SCHIP1: variants seen among roughly 807,000 people sequenced by gnomAD.
The protein encoded by SCHIP1 is schwannomin interacting protein 1.
A neutral mutation model predicts 29.7 loss-of-function variants in SCHIP1; 8 were observed. The ratio of observed to expected loss-of-function variants is 0.27; its 90% CI spans 0.16 to 0.49. The LOEUF (loss-of-function observed/expected upper bound fraction) is 0.49. Among genes scored for constraint, SCHIP1 ranks in the 20% least tolerant of loss-of-function variants. The pLI is 0.99. For missense variants in SCHIP1, 193 were observed against 294.6 expected (o/e 0.66, Z 2.52); for synonymous variants, 76 against 94.9 (o/e 0.80, Z 1.16).
chr3:159,599,942 A>G, the SCHIP1 span, among the ~76,000 whole-genome samples: 1 of 152,170 alleles, frequency 6.6e-6, no homozygotes, highest in African/African-American at 2.4e-5. Flanking sequence ...TCTTGTCTGG[A>G]AGACTATTTC....
the SCHIP1 span, among the ~76,000 whole-genome samples, chr3:159,568,005 C>T: frequency 6.6e-6 from 1 of 151,970 alleles, no homozygotes; most frequent in Non-Finnish European, 1.5e-5. Flanking sequence ...TTACCATACA[C>T]TTCATGTACA....
the SCHIP1 span, among the ~76,000 whole-genome samples, chr3:159,530,810 G>C: frequency 1.3e-5 from 2 of 152,134 alleles, no homozygotes; most frequent in South Asian, 4.1e-4. Flanking sequence ...GTCCCCTGTA[G>C]GCACTGCCCT....
the SCHIP1 span, among the ~76,000 whole-genome samples, chr3:159,625,890 G>A: frequency 2.0e-5 from 3 of 151,950 alleles, no homozygotes; most frequent in African/African-American, 7.3e-5. Flanking sequence ...ACATGTAGAG[G>A]ACAGAGAAGA....
At chr3:159,440,967 CAA>C in the SCHIP1 span, among the ~76,000 whole-genome samples, 2 of 152,104 alleles carry the variant, frequency 1.3e-5, no homozygotes, top group Admixed American at 6.6e-5. Context: ...ACTATTTTGT[CAA>C]GAGACAAGAA....
chr3:159,291,946 A>G, the SCHIP1 span, among the ~76,000 whole-genome samples: 2 of 152,178 alleles, frequency 1.3e-5, no homozygotes, highest in Admixed American at 1.3e-4. Context: ...TAAAGGATGT[A>G]ACAACCAAAT....
the SCHIP1 span, among the ~76,000 whole-genome samples, chr3:159,420,013 C>T: frequency 6.6e-6 from 1 of 152,158 alleles, no homozygotes; most frequent in African/African-American, 2.4e-5. Flanking sequence ...ATTATTTCCA[C>T]TACTGCTATT....
chr3:159,498,369 G>A, the SCHIP1 span, among the ~76,000 whole-genome samples: 1 of 152,180 alleles, frequency 6.6e-6, no homozygotes, highest in Non-Finnish European at 1.5e-5. Flanking sequence ...GTAATTCCTT[G>A]TAAGAGAAAA....
chr3:159,762,071 C>T, the SCHIP1 span, among the ~76,000 whole-genome samples: 1 of 152,210 alleles, frequency 6.6e-6, no homozygotes, highest in Non-Finnish European at 1.5e-5. Flanking sequence ...TCCCAGCACA[C>T]CAAATGTTTC....
At chr3:159,702,438 G>A in the SCHIP1 span, among the ~76,000 whole-genome samples, 12 of 152,060 alleles carry the variant, frequency 7.9e-5, no homozygotes, top group African/African-American at 2.7e-4. Context: ...ACTATTAATC[G>A]CAAAATTATA....
chr3:159,885,171 C>A (rs1233260801), intron 2 of SCHIP1, among the ~76,000 whole-genome samples: 2 of 152,158 alleles, frequency 1.3e-5, no homozygotes, highest in African/African-American at 4.8e-5. Flanking sequence ...CTTGGCATTT[C>A]TTCCTATGGC....
the SCHIP1 span, among the ~76,000 whole-genome samples, chr3:159,283,852 T>C: frequency 6.6e-6 from 1 of 152,208 alleles, no homozygotes; most frequent in Admixed American, 6.5e-5. Flanking sequence ...GCAAAATAGG[T>C]TGTCTTATTA....
At chr3:159,470,577 C>T in the SCHIP1 span, among the ~76,000 whole-genome samples, 1 of 152,068 alleles carries the variant, frequency 6.6e-6, no homozygotes, top group Non-Finnish European at 1.5e-5. Flanking sequence ...CAGGCACACA[C>T]ACATATACAC....
chr3:159,701,866 A>G, the SCHIP1 span, among the ~76,000 whole-genome samples: 1 of 152,172 alleles, frequency 6.6e-6, no homozygotes, highest in Non-Finnish European at 1.5e-5. Context: ...ACTTCAAGCA[A>G]TATGAGTCAG....
At chr3:159,687,821 A>G in the SCHIP1 span, among the ~76,000 whole-genome samples, 6 of 152,254 alleles carry the variant, frequency 3.9e-5, no homozygotes, top group East Asian at 1.9e-4. Flanking sequence ...TCATTGTTCA[A>G]CTTCCACTTA....
the SCHIP1 span, among the ~76,000 whole-genome samples, chr3:159,523,334 C>T: frequency 3.9e-5 from 6 of 152,100 alleles, no homozygotes; most frequent in Non-Finnish European, 7.4e-5. Context: ...AAATAAGGTA[C>T]ATTATAATTG....
the SCHIP1 span, among the ~76,000 whole-genome samples, chr3:159,742,175 G>A: frequency 1.3e-5 from 2 of 152,152 alleles, no homozygotes; most frequent in African/African-American, 4.8e-5. Context: ...GCAGTGAGCC[G>A]AGATTGTGCC....
chr3:159,809,227 A>T, the SCHIP1 span, among the ~76,000 whole-genome samples: 11 of 150,968 alleles, frequency 7.3e-5, no homozygotes, highest in Admixed American at 7.3e-4. Context: ...GATGAGTGAG[A>T]ACAAGCAGTG....
chr3:159,711,971 G>GCTGCTGCTGCTGCTGCT, the SCHIP1 span, among the ~76,000 whole-genome samples: 1 of 152,094 alleles, frequency 6.6e-6, no homozygotes, highest in South Asian at 2.1e-4. Context: ...TGCTGCTGCT[G>GCTGCTGCTGCTGCTGCT]GTTCCAGAGC....
chr3:159,620,015 T>G, the SCHIP1 span, among the ~76,000 whole-genome samples: 2 of 152,208 alleles, frequency 1.3e-5, 1 homozygote, highest in East Asian at 3.8e-4. Context: ...AAAATACATT[T>G]ATCTCATTTT....
Sources: allele counts gnomAD v4.1 joint callset (sites outside exome capture counted in the v4.1 genomes callset), GRCh38; gene constraint gnomAD v4.1.1; transcripts MANE v1.5; gene names NCBI Gene and HGNC (gene_info 2026-07-23, HGNC 2026-07-21).